Variants in RASEF observed in about 807,000 individuals in gnomAD.
The protein encoded by RASEF is RAS and EF-hand domain containing.
Under a neutral mutation model 90.1 loss-of-function variants are expected in RASEF, and 68 were observed. That is an observed-to-expected ratio of 0.75 (90% confidence interval 0.62 to 0.92). The LOEUF (loss-of-function observed/expected upper bound fraction) is 0.92, where lower values mean the gene tolerates loss of function less well. RASEF is among the 40% of genes least tolerant of loss of function. The pLI is 0.00. For synonymous variants in RASEF, 331 were observed against 345.2 expected, an observed-to-expected ratio of 0.96 and a Z score of 0.46; for missense variants, 949 against 937.2, an observed-to-expected ratio of 1.01 and a Z score of -0.16.
chr9:83,087,600 T>C, the RASEF span, among the ~76,000 whole-genome samples: 7 of 152,120 alleles, frequency 4.6e-5, no homozygotes, highest in Non-Finnish European at 1.0e-4. Context: ...CCATTGTATT[T>C]CTGTAGGGTG....
intron 15 of RASEF, 117 bp downstream of exon 15, chr9:82,992,789 C>T (rs148881572): frequency 0.012 from 12,567 of 1,026,700 alleles, 106 homozygotes; most frequent in Middle Eastern, 0.017. Context: ...ATGCCTCAGA[C>T]GGGGGAGGTT....
At chr9:83,188,636 G>T in the RASEF span, among the ~76,000 whole-genome samples, 4 of 152,296 alleles carry the variant, frequency 2.6e-5, no homozygotes, top group Non-Finnish European at 4.4e-5. Context: ...GAAAAGAAAT[G>T]AAATGCACTG....
At chr9:83,158,421 T>G in the RASEF span, among the ~76,000 whole-genome samples, 387 of 151,728 alleles carry the variant, frequency 2.6e-3, 10 homozygotes, top group East Asian at 0.056. Context: ...AAGAATTTTA[T>G]GAGGGAGAAA....
At chr9:83,079,875 A>G in the RASEF span, among the ~76,000 whole-genome samples, 1 of 151,792 alleles carries the variant, frequency 6.6e-6, no homozygotes, top group Admixed American at 6.6e-5. Flanking sequence ...AAATAGCTAA[A>G]CTATGTTAAC....
At chr9:83,181,069 C>T in the RASEF span, among the ~76,000 whole-genome samples, 1 of 149,692 alleles carries the variant, frequency 6.7e-6, no homozygotes, top group East Asian at 1.9e-4. Flanking sequence ...TATTAGGCAC[C>T]CCTTTTACTC....
chr9:83,112,811 C>A, the RASEF span, among the ~76,000 whole-genome samples: 1 of 151,702 alleles, frequency 6.6e-6, no homozygotes, highest in East Asian at 1.9e-4. Context: ...ACTTGGGATG[C>A]TAATTTTGGG....
the RASEF span, among the ~76,000 whole-genome samples, chr9:83,119,170 C>T: frequency 6.1e-5 from 6 of 98,180 alleles, no homozygotes; most frequent in South Asian, 1.9e-3. Context: ...ACCATGCGGG[C>T]TATTTTTTTT....
At chr9:83,099,922 T>G in the RASEF span, among the ~76,000 whole-genome samples, 1 of 152,350 alleles carries the variant, frequency 6.6e-6, no homozygotes, top group East Asian at 1.9e-4. Context: ...GATACAGCAC[T>G]TATGAAATCA....
At chr9:83,185,149 G>A in the RASEF span, among the ~76,000 whole-genome samples, 4 of 152,054 alleles carry the variant, frequency 2.6e-5, no homozygotes, top group Admixed American at 2.6e-4. Context: ...AGATAGCACA[G>A]TGATCATTTT....
intron 1 of RASEF, among the ~76,000 whole-genome samples, chr9:83,053,415 T>C (rs1386158069): frequency 1.9e-4 from 22 of 113,680 alleles, no homozygotes; most frequent in Non-Finnish European, 3.2e-4. Flanking sequence ...TCCTCCATCC[T>C]TTTATTTTGA....
At chr9:83,189,765 T>C in the RASEF span, among the ~76,000 whole-genome samples, 1 of 152,252 alleles carries the variant, frequency 6.6e-6, no homozygotes, top group Non-Finnish European at 1.5e-5. Flanking sequence ...GGATCCTGTA[T>C]GTTAATGTAG....
upstream of RASEF, among the ~76,000 whole-genome samples, chr9:83,066,623 C>T (rs1487056310): frequency 6.6e-6 from 1 of 152,198 alleles, no homozygotes; most frequent in African/African-American, 2.4e-5. Flanking sequence ...GTCAGCATGA[C>T]TTTTCGAAAG....
rs762045634 is a variant in RASEF at position 83,015,785 on chromosome 9, T to C, written c.765+20A>G. The C allele has an allele frequency of 6.4e-7, 1 of 1,571,236 alleles. No homozygotes were observed. Among genetic ancestry groups the C allele is most frequent in the Non-Finnish European group, 8.8e-7 (1 of 1,140,946 alleles). On this transcript the variant is annotated intron_variant, in intron 4 of 16. Coordinates refer to ENST00000376447, the MANE Select transcript of RASEF (RefSeq NM_152573.4). ...GAGATGCTGAGGCTGTTCCTACAAG[T>C]CCAGCTGCCACATGCCTACCTTTCT...
chr9:83,100,917 C>T, the RASEF span, among the ~76,000 whole-genome samples: 1 of 152,126 alleles, frequency 6.6e-6, no homozygotes, highest in Non-Finnish European at 1.5e-5. Flanking sequence ...TTCAGTTACA[C>T]AAATGGCAAA....
At chr9:83,120,236 T>C in the RASEF span, among the ~76,000 whole-genome samples, 2 of 152,178 alleles carry the variant, frequency 1.3e-5, no homozygotes, top group African/African-American at 2.4e-5. Flanking sequence ...AAAAAGTGAC[T>C]AGGGAAGGTC....
At chr9:83,170,623 A>T in the RASEF span, among the ~76,000 whole-genome samples, 1 of 151,804 alleles carries the variant, frequency 6.6e-6, no homozygotes, top group Non-Finnish European at 1.5e-5. Context: ...TTCATTATAG[A>T]GATTTTTTAT....
At chr9:82,984,923 C>T (rs1249243275) in intron 16 of RASEF, among the ~76,000 whole-genome samples, 1 of 152,142 alleles carries the variant, frequency 6.6e-6, no homozygotes, top group Non-Finnish European at 1.5e-5. Context: ...GCACTCTGTG[C>T]CCACAGATGT....
chr9:83,114,959 CT>C, the RASEF span, among the ~76,000 whole-genome samples: 2 of 152,160 alleles, frequency 1.3e-5, no homozygotes, highest in African/African-American at 4.8e-5. Flanking sequence ...CATACACTCC[CT>C]CCCCTTTTGA....
At chr9:83,184,501 G>T in the RASEF span, among the ~76,000 whole-genome samples, 3 of 152,082 alleles carry the variant, frequency 2.0e-5, no homozygotes, top group Admixed American at 6.5e-5. Context: ...GTGGTTTTAT[G>T]GGGGCTTTTT....
Sources: gnomAD v4.1 joint callset for allele counts (sites outside exome capture counted in the v4.1 genomes callset) on GRCh38, gnomAD v4.1.1 for gene constraint, MANE v1.5 for transcripts, NCBI Gene and HGNC (gene_info 2026-07-23, HGNC 2026-07-21) for gene names.